TRHDE: variants seen among roughly 807,000 people sequenced by gnomAD.
The protein encoded by TRHDE is thyrotropin-releasing hormone-degrading ectoenzyme.
In TRHDE, 72 loss-of-function variants were observed where a neutral mutation model predicts 125.7. The observed-to-expected ratio is 0.57, with a 90% confidence interval of 0.47 to 0.70. The LOEUF (loss-of-function observed/expected upper bound fraction) is 0.70. Ranked by LOEUF, TRHDE falls within the 30% of genes least tolerant of loss-of-function variation. The probability of loss-of-function intolerance (pLI) is 0.00; values close to 1 mark genes in which losing one functional copy is unlikely to be tolerated. For missense variants in TRHDE, 1,110 were observed against 1,327.1 expected (o/e 0.84, Z 2.54); for synonymous variants, 509 against 509.1 (o/e 1.00, Z 0.00).
intron 6 of TRHDE, among the ~76,000 whole-genome samples, chr12:72,507,710 T>C (rs889381591): frequency 1.3e-5 from 2 of 152,206 alleles, no homozygotes; most frequent in Non-Finnish European, 2.9e-5. Context: ...AAGTGGGTTG[T>C]AGAAATGTGC....
chr12:72,609,705 A>G (rs947813610), intron 12 of TRHDE, among the ~76,000 whole-genome samples: 2 of 152,182 alleles, frequency 1.3e-5, no homozygotes, highest in Non-Finnish European at 2.9e-5. Context: ...AGACATAGTC[A>G]GTTCTTTTTA....
At chr12:72,583,790 T>C (rs1393188388) in intron 12 of TRHDE, among the ~76,000 whole-genome samples, 3 of 152,158 alleles carry the variant, frequency 2.0e-5, no homozygotes, top group Non-Finnish European at 4.4e-5. Flanking sequence ...TCTTTAGAAA[T>C]CTGTTGAGGG....
intron 2 of TRHDE, among the ~76,000 whole-genome samples, chr12:72,216,760 C>T (rs750477524): frequency 6.6e-6 from 1 of 152,040 alleles, no homozygotes; most frequent in African/African-American, 2.4e-5. Flanking sequence ...TTATACCAGT[C>T]TAGTCATCTA....
At chr12:72,485,064 G>A (rs780863321) in intron 5 of TRHDE, among the ~76,000 whole-genome samples, 1 of 152,070 alleles carries the variant, frequency 6.6e-6, no homozygotes, top group Non-Finnish European at 1.5e-5. Flanking sequence ...GAGGACCCAG[G>A]TAGCCTCAAT....
chr12:72,146,885 T>C (rs1040411964), intron 2 of TRHDE, among the ~76,000 whole-genome samples: 1 of 151,974 alleles, frequency 6.6e-6, no homozygotes, highest in East Asian at 1.9e-4. Context: ...TTTTATTGAG[T>C]GGTGGAGGTG....
intron 12 of TRHDE, among the ~76,000 whole-genome samples, chr12:72,579,936 CT>C (rs1178130064): frequency 2.0e-5 from 3 of 151,846 alleles, no homozygotes; most frequent in Non-Finnish European, 2.9e-5. Flanking sequence ...TCTCTTTGTT[CT>C]TTTTTGCACC....
At chr12:72,328,068 C>A (rs1400516176) in intron 2 of TRHDE, among the ~76,000 whole-genome samples, 1 of 152,144 alleles carries the variant, frequency 6.6e-6, no homozygotes, top group Non-Finnish European at 1.5e-5. Flanking sequence ...GAGGAAGAAA[C>A]CTGGCTTGCT....
chr12:72,425,840 G>C (rs973859300), intron 3 of TRHDE, among the ~76,000 whole-genome samples: 1 of 151,934 alleles, frequency 6.6e-6, no homozygotes. Flanking sequence ...CAGTGTTGTA[G>C]TTAACAACAG....
intron 12 of TRHDE, among the ~76,000 whole-genome samples, chr12:72,609,815 AT>A (rs1272559988): frequency 3.3e-5 from 5 of 152,100 alleles, no homozygotes; most frequent in Admixed American, 2.0e-4. Context: ...AGCTTCACTG[AT>A]TTATGGACCT....
intron 10 of TRHDE, among the ~76,000 whole-genome samples, chr12:72,570,578 C>CAAAAAAA (rs572094533): frequency 3.4e-5 from 2 of 58,454 alleles, no homozygotes; most frequent in Non-Finnish European, 4.8e-5. Flanking sequence ...GAGACTGTCT[C>CAAAAAAA]AAAAAAAAAA....
intron 2 of TRHDE, among the ~76,000 whole-genome samples, chr12:72,199,110 C>T (rs1184410758): frequency 6.6e-6 from 1 of 152,138 alleles, no homozygotes; most frequent in Non-Finnish European, 1.5e-5. Flanking sequence ...TGGGGAATTA[C>T]AATCCAACAT....
intron 15 of TRHDE, among the ~76,000 whole-genome samples, chr12:72,623,929 A>G (rs965382454): frequency 6.6e-6 from 1 of 152,084 alleles, no homozygotes. Context: ...ATTTGGGCCA[A>G]ACAAGATTCT....
chr12:72,361,607 A>C (rs1871087550), intron 2 of TRHDE, among the ~76,000 whole-genome samples: 1 of 150,670 alleles, frequency 6.6e-6, no homozygotes. Context: ...ACACGTGCAC[A>C]ATGTGCAGGT....
At chr12:72,341,106 A>G (rs1256003617) in intron 2 of TRHDE, among the ~76,000 whole-genome samples, 2 of 147,990 alleles carry the variant, frequency 1.4e-5, no homozygotes, top group Admixed American at 1.3e-4. Context: ...CTTTTTTCTC[A>G]TTCTATTCTA....
At position 72,562,915 on chromosome 12, in the gene TRHDE, G is replaced by T; in HGVS notation, c.1917G>T (p.Gln639His). The part of the protein sequence containing the change: ...IQEVMDQWTL[Q>H]MGYPVITILG... ...AAGTAATGGATCAGTGGACACTCCA[G>T]ATGGGTTATCCTGTTATCACCATCT... The change falls in exon 9 of 19, where the codon CAG becomes CAT. Residue 639 changes from glutamine to histidine, a missense_variant. Coordinates refer to ENST00000261180, the MANE Select transcript of TRHDE (RefSeq NM_013381.3). 6.2e-7 allele frequency: 1 copy of T among 1,610,640 alleles called. No homozygotes were observed. The highest frequency in any genetic ancestry group is 8.5e-7 in the Non-Finnish European group (1 of 1,178,662).
chr12:72,543,671 C>T (rs920375878), intron 7 of TRHDE, among the ~76,000 whole-genome samples: 1 of 151,224 alleles, frequency 6.6e-6, no homozygotes, highest in Non-Finnish European at 1.5e-5. Context: ...TTCTTCATAG[C>T]AAGTTGATGT....
At chr12:72,545,625 A>G in intron 7 of TRHDE, among the ~76,000 whole-genome samples, 1 of 151,682 alleles carries the variant, frequency 6.6e-6, no homozygotes, top group South Asian at 2.1e-4. Flanking sequence ...ACTGTATTAT[A>G]TGACTATCAA....
chr12:72,593,153 A>G (rs563889009), intron 12 of TRHDE, among the ~76,000 whole-genome samples: 16 of 152,080 alleles, frequency 1.1e-4, no homozygotes, highest in African/African-American at 3.6e-4. Flanking sequence ...TTCCAAGTTC[A>G]TTTTTGGTTG....
At chr12:72,411,476 A>G (rs914198746) in intron 3 of TRHDE, among the ~76,000 whole-genome samples, 1 of 152,030 alleles carries the variant, frequency 6.6e-6, no homozygotes, top group Non-Finnish European at 1.5e-5. Context: ...ATAAAAATTT[A>G]TATTAAAATG....
Sources: gnomAD v4.1 joint callset for allele counts (sites outside exome capture counted in the v4.1 genomes callset) on GRCh38, gnomAD v4.1.1 for gene constraint, MANE v1.5 for transcripts, NCBI Gene and HGNC (gene_info 2026-07-23, HGNC 2026-07-21) for gene names.